SLC7A2: variants seen among roughly 807,000 people sequenced by gnomAD.
SLC7A2 encodes cationic amino acid transporter 2.
A neutral mutation model predicts 58.9 loss-of-function variants in SLC7A2; 48 were observed. The ratio of observed to expected loss-of-function variants is 0.82; its 90% CI spans 0.65 to 1.04. The LOEUF is 1.04. Among genes scored for constraint, SLC7A2 ranks in the 50% least tolerant of loss-of-function variants. SLC7A2 has a pLI of 0.00. For missense variants in SLC7A2, 1,029 were observed against 818.8 expected (o/e 1.26, Z -3.13); for synonymous variants, 363 against 314.5 (o/e 1.15, Z -1.63).
At position 17,561,951 on chromosome 8, in the gene SLC7A2, C is replaced by G. The variant is rs148420262; in HGVS notation, c.1512C>G (p.Leu504=). Residue 504 remains leucine, a synonymous_variant, in exon 11 of 13, where the codon CTC becomes CTG. Transcript: ENST00000494857. The part of the protein sequence containing the change: ...VSFLVGFLAF[L]VLGLSVLTTY... ...CTACACATCCCCCTGCAGCTTTCCT[C>G]GTGTTGGGCCTGAGTGTCTTGACCA... 1.2e-6 allele frequency: 2 copies of G among 1,614,028 alleles called. No homozygotes were observed. The highest frequency in any genetic ancestry group is 1.7e-6 in the Non-Finnish European group (2 of 1,179,982).
At chr8:17,495,732 T>A (rs542045060), upstream of SLC7A2, among the ~76,000 whole-genome samples, 1 of 152,168 alleles carries the variant, frequency 6.6e-6, no homozygotes, top group Non-Finnish European at 1.5e-5. Context: ...GTATTTTTAG[T>A]AGAGACGGAG....
At chr8:17,536,510 G>C (rs12114768) in intron 2 of SLC7A2, among the ~76,000 whole-genome samples, 2,372 of 152,282 alleles carry the variant, frequency 0.016, 65 homozygotes, top group African/African-American at 0.055. Flanking sequence ...GTTGCAGTGA[G>C]CCAAGATTGC....
intron 4 of SLC7A2, among the ~76,000 whole-genome samples, chr8:17,546,279 T>C (rs1188076585): frequency 6.6e-6 from 1 of 152,244 alleles, no homozygotes; most frequent in Non-Finnish European, 1.5e-5. Context: ...AGGTCTTGGC[T>C]CATTTGTCCT....
upstream of SLC7A2, among the ~76,000 whole-genome samples, chr8:17,495,252 T>G (rs1193308888): frequency 1.3e-5 from 2 of 152,060 alleles, no homozygotes; most frequent in Admixed American, 6.6e-5. Context: ...GAATCTCTAT[T>G]TTTTTTAAAC....
chr8:17,536,502 T>C (rs1801672248), intron 2 of SLC7A2, among the ~76,000 whole-genome samples: 2 of 151,950 alleles, frequency 1.3e-5, no homozygotes, highest in African/African-American at 4.8e-5. Context: ...AGGCGGAGGT[T>C]GCAGTGAGCC....
intron 2 of SLC7A2, among the ~76,000 whole-genome samples, chr8:17,507,054 C>G (rs1800396006): frequency 6.6e-6 from 1 of 151,974 alleles, no homozygotes; most frequent in African/African-American, 2.4e-5. Context: ...AAGCGATTCC[C>G]CTGCCTCAGC....
intron 2 of SLC7A2, among the ~76,000 whole-genome samples, chr8:17,516,145 T>C (rs1376607454): frequency 6.6e-6 from 1 of 152,164 alleles, no homozygotes; most frequent in Non-Finnish European, 1.5e-5. Context: ...AACTTTTTGC[T>C]ATTTGTCAGA....
intron 4 of SLC7A2, among the ~76,000 whole-genome samples, chr8:17,546,016 A>T (rs1802155458): frequency 6.6e-6 from 1 of 152,196 alleles, no homozygotes; most frequent in South Asian, 2.1e-4. Context: ...CGTAGATCTA[A>T]AATGTTTTGC....
chr8:17,533,846 C>T (rs1801554935), intron 2 of SLC7A2, among the ~76,000 whole-genome samples: 1 of 152,190 alleles, frequency 6.6e-6, no homozygotes, highest in East Asian at 1.9e-4. Flanking sequence ...TTTGCTGCAC[C>T]TGTCAACCCA....
At chr8:17,533,807 G>T (rs1260942027) in intron 2 of SLC7A2, among the ~76,000 whole-genome samples, 6 of 152,168 alleles carry the variant, frequency 3.9e-5, no homozygotes, top group Non-Finnish European at 7.3e-5. Flanking sequence ...GTGCAGGTTT[G>T]TTACATAGGT....
chr8:17,544,647 C>G, intron 4 of SLC7A2, 41 bp downstream of exon 4: 2 of 1,572,832 alleles, frequency 1.3e-6, no homozygotes, highest in Non-Finnish European at 1.7e-6. Context: ...ATGAGCCACA[C>G]TATTTGTCTC....
intron 2 of SLC7A2, among the ~76,000 whole-genome samples, chr8:17,509,816 G>C (rs377511848): frequency 1.3e-5 from 2 of 152,210 alleles, no homozygotes; most frequent in African/African-American, 4.8e-5. Context: ...ATGATATGCA[G>C]TATGAATAGC....
intron 2 of SLC7A2, among the ~76,000 whole-genome samples, chr8:17,517,097 A>G (rs1450283239): frequency 6.6e-6 from 1 of 152,186 alleles, no homozygotes; most frequent in African/African-American, 2.4e-5. Context: ...TGGATCCAAT[A>G]TCTCTGCTCA....
intron 2 of SLC7A2, among the ~76,000 whole-genome samples, chr8:17,518,768 A>T (rs1800900678): frequency 6.6e-6 from 1 of 152,180 alleles, no homozygotes; most frequent in African/African-American, 2.4e-5. Context: ...CATTGTCCTG[A>T]CATTGATCTG....
intron 2 of SLC7A2, among the ~76,000 whole-genome samples, chr8:17,519,706 T>C (rs1488872079): frequency 6.6e-6 from 1 of 152,216 alleles, no homozygotes; most frequent in East Asian, 1.9e-4. Context: ...TATCATCATC[T>C]CCTTTGTTTA....
chr8:17,563,794 A>C, intron 12 of SLC7A2, 83 bp downstream of exon 12: 1 of 823,306 alleles, frequency 1.2e-6, no homozygotes, highest in Middle Eastern at 2.3e-4. Flanking sequence ...TCCTGGGAAT[A>C]AAGGCTTTTT....
chr8:17,549,349 C>G (rs1435538241), intron 5 of SLC7A2, among the ~76,000 whole-genome samples: 1 of 152,194 alleles, frequency 6.6e-6, no homozygotes, highest in Non-Finnish European at 1.5e-5. Flanking sequence ...CATTCCAAGA[C>G]CCCTCTTCCC....
intron 7 of SLC7A2, among the ~76,000 whole-genome samples, chr8:17,552,475 G>T (rs940479961): frequency 1.3e-5 from 2 of 152,182 alleles, no homozygotes; most frequent in African/African-American, 4.8e-5. Context: ...AAAATATAAT[G>T]TGCTTTTTAT....
intron 2 of SLC7A2, among the ~76,000 whole-genome samples, chr8:17,521,968 C>G (rs1167583508): frequency 6.6e-6 from 1 of 152,200 alleles, no homozygotes; most frequent in Admixed American, 6.5e-5. Context: ...CAGAATCTTA[C>G]TGAGACTGTG....
Sources: gnomAD v4.1 joint callset for allele counts (sites outside exome capture counted in the v4.1 genomes callset) on GRCh38, gnomAD v4.1.1 for gene constraint, MANE v1.5 for transcripts, NCBI Gene and HGNC (gene_info 2026-07-23, HGNC 2026-07-21) for gene names.